Variants in MALRD1 observed in about 807,000 individuals in gnomAD.
The protein encoded by MALRD1 is MAM and LDL receptor class A domain containing 1.
In MALRD1, 247 loss-of-function variants were observed where a neutral mutation model predicts 242.1. The observed-to-expected ratio is 1.02, with a 90% CI of 0.92 to 1.13. The LOEUF is 1.13. MALRD1 is among the 50% of genes most tolerant of loss of function. The probability of loss-of-function intolerance (pLI) is 0.00; values close to 1 mark genes in which losing one functional copy is unlikely to be tolerated. For missense variants in MALRD1, 2,989 were observed against 2,533.1 expected (o/e 1.18, Z -3.86); for synonymous variants, 995 against 866.6 (o/e 1.15, Z -2.60).
At chr10:19,272,467 A>G (rs191941510) in intron 19 of MALRD1, among the ~76,000 whole-genome samples, 189 of 152,268 alleles carry the variant, frequency 1.2e-3, no homozygotes, top group African/African-American at 4.3e-3. Context: ...CAAAATACCA[A>G]AGTGGCCCTT....
chr10:19,646,374 G>A (rs1051991296), intron 36 of MALRD1, among the ~76,000 whole-genome samples: 1 of 152,152 alleles, frequency 6.6e-6, no homozygotes, highest in Non-Finnish European at 1.5e-5. Context: ...GAGGCCGAGG[G>A]GGGCAGATCA....
At chr10:19,704,101 ATAAAC>A (rs1833747211) in intron 38 of MALRD1, among the ~76,000 whole-genome samples, 1 of 147,100 alleles carries the variant, frequency 6.8e-6, no homozygotes, top group Non-Finnish European at 1.5e-5. Flanking sequence ...AATTTAGTAA[ATAAAC>A]TAACAAAAGT....
intron 27 of MALRD1, 150 bp from the exon 28 acceptor site, chr10:19,389,302 C>A (rs1362635708): frequency 2.3e-6 from 2 of 854,226 alleles, no homozygotes; most frequent in African/African-American, 3.3e-5. Flanking sequence ...AGAGGCGAGG[C>A]TATTAGATTT....
At chr10:19,346,150 G>A (rs1425316247) in intron 24 of MALRD1, among the ~76,000 whole-genome samples, 3 of 152,038 alleles carry the variant, frequency 2.0e-5, no homozygotes, top group African/African-American at 7.2e-5. Context: ...TGCACCTTGA[G>A]ATAATTTTAT....
At chr10:19,518,501 G>C (rs1357566165) in intron 31 of MALRD1, among the ~76,000 whole-genome samples, 15 of 151,762 alleles carry the variant, frequency 9.9e-5, no homozygotes, top group Non-Finnish European at 1.5e-5. Context: ...TGAAATTACA[G>C]AGTCTCTACT....
chr10:19,631,261 T>G (rs1238202676), intron 36 of MALRD1, among the ~76,000 whole-genome samples: 1 of 152,210 alleles, frequency 6.6e-6, no homozygotes, highest in Non-Finnish European at 1.5e-5. Context: ...TTTTTGTTCC[T>G]GCATTAGTTT....
intron 32 of MALRD1, among the ~76,000 whole-genome samples, chr10:19,539,596 G>A (rs2131371903): frequency 6.6e-6 from 1 of 152,266 alleles, no homozygotes; most frequent in Admixed American, 6.5e-5. Flanking sequence ...GTGTGTGTGA[G>A]CCGATATGGG....
chr10:19,575,936 AT>A (rs1389560622), intron 33 of MALRD1, among the ~76,000 whole-genome samples: 2 of 152,200 alleles, frequency 1.3e-5, no homozygotes, highest in African/African-American at 4.8e-5. Flanking sequence ...TTATGTTGTC[AT>A]TTCCAGAAAG....
At chr10:19,683,769 T>A (rs1842467376) in intron 36 of MALRD1, among the ~76,000 whole-genome samples, 1 of 152,210 alleles carries the variant, frequency 6.6e-6, no homozygotes, top group African/African-American at 2.4e-5. Flanking sequence ...TTTATTTATT[T>A]ATTTATTTTA....
intron 28 of MALRD1, among the ~76,000 whole-genome samples, chr10:19,439,118 GT>G (rs35538946): frequency 0.73 from 108,621 of 149,648 alleles, 39,027 homozygotes; most frequent in Non-Finnish European, 0.75. Context: ...ATTTGTAATT[GT>G]TTTTTAAAAA....
At chr10:19,442,763 TA>T (rs2130995487) in intron 28 of MALRD1, among the ~76,000 whole-genome samples, 1 of 152,340 alleles carries the variant, frequency 6.6e-6, no homozygotes, top group East Asian at 1.9e-4. Context: ...TCATCAGAGA[TA>T]TTTTTCTAAA....
At chr10:19,678,756 G>T (rs751621490) in intron 36 of MALRD1, among the ~76,000 whole-genome samples, 22 of 152,210 alleles carry the variant, frequency 1.4e-4, no homozygotes, top group Middle Eastern at 6.8e-3. Context: ...TCCAGCTTTT[G>T]CCCATTCAGT....
At chr10:19,260,145 A>G (rs972075202) in intron 19 of MALRD1, among the ~76,000 whole-genome samples, 1 of 152,202 alleles carries the variant, frequency 6.6e-6, no homozygotes, top group Non-Finnish European at 1.5e-5. Flanking sequence ...AAGTAATTCT[A>G]TGTGCCAGAT....
At chr10:19,158,473 G>T (rs1205219559) in intron 12 of MALRD1, among the ~76,000 whole-genome samples, 1 of 152,216 alleles carries the variant, frequency 6.6e-6, no homozygotes, top group Non-Finnish European at 1.5e-5. Context: ...TAAAGTTTAT[G>T]AGGGCCAGCC....
intron 14 of MALRD1, among the ~76,000 whole-genome samples, chr10:19,191,644 G>A (rs1195919776): frequency 6.6e-6 from 1 of 152,076 alleles, no homozygotes; most frequent in Non-Finnish European, 1.5e-5. Context: ...TGCATACAAT[G>A]GAATGTTATT....
At chr10:19,438,640 T>A (rs1834460240) in intron 28 of MALRD1, among the ~76,000 whole-genome samples, 1 of 152,166 alleles carries the variant, frequency 6.6e-6, no homozygotes, top group Non-Finnish European at 1.5e-5. Context: ...AATTCCTATT[T>A]CTTTGCCTCT....
chr10:19,323,732 C>A (rs1439635332), intron 21 of MALRD1, among the ~76,000 whole-genome samples: 4 of 152,220 alleles, frequency 2.6e-5, no homozygotes, highest in Middle Eastern at 3.4e-3. Flanking sequence ...CCTCAGCCTC[C>A]TGAATAGCTG....
At chr10:19,066,166 T>C (rs1211579310) in intron 1 of MALRD1, among the ~76,000 whole-genome samples, 3 of 152,198 alleles carry the variant, frequency 2.0e-5, no homozygotes, top group Non-Finnish European at 4.4e-5. Flanking sequence ...ATATTAATAC[T>C]GTGTAAATAG....
rs982628979 is a variant in MALRD1, at chr10:19,257,780, G to C, written c.3079+9G>C. On this transcript the variant is annotated intron_variant, in intron 19 of 39. Transcript: ENST00000454679. The stretch of plus-strand genomic sequence containing the variant: ...CTGCACCCTCTACCCTGGTAAGAGA[G>C]AACATTTCAATTTGGGGTTATTTCT... 6 of 1,474,716 alleles carry C rather than the reference G, an allele frequency of 4.1e-6. No individual in the cohort carries two copies. In the African/African-American group the frequency reaches 7.1e-5, roughly 17 times the overall value. 91.4% of individuals were successfully genotyped at this position (1,474,716 alleles called of 1,614,324 possible).
Sources: gnomAD v4.1 joint callset for allele counts (sites outside exome capture counted in the v4.1 genomes callset) on GRCh38, gnomAD v4.1.1 for gene constraint, MANE v1.5 for transcripts, NCBI Gene and HGNC (gene_info 2026-07-23, HGNC 2026-07-21) for gene names.